Variants in COL15A1 observed in about 807,000 individuals in gnomAD.
COL15A1 encodes the protein collagen type XV alpha 1 chain.
COL15A1 carries 111 observed loss-of-function variants against 165.9 expected under a neutral mutation model. The observed-to-expected ratio is 0.67, with a 90% CI of 0.57 to 0.78. COL15A1 has a LOEUF of 0.78. COL15A1 is among the 30% of genes least tolerant of loss of function. The pLI, the probability that COL15A1 is intolerant of heterozygous loss-of-function variation, is 0.00. For synonymous variants in COL15A1, 659 were observed against 674.8 expected (o/e 0.98, Z 0.36); for missense variants, 1,745 against 1,789.7 (o/e 0.98, Z 0.45).
intron 35 of COL15A1, among the ~76,000 whole-genome samples, chr9:99,057,977 G>A (rs940336873): frequency 6.6e-6 from 1 of 152,110 alleles, no homozygotes; most frequent in African/African-American, 2.4e-5. Context: ...TGTGAAGGAG[G>A]GAGTGAACAG....
chr9:99,050,968 T>A (rs1199938927), intron 30 of COL15A1, among the ~76,000 whole-genome samples: 1 of 152,194 alleles, frequency 6.6e-6, no homozygotes, highest in Non-Finnish European at 1.5e-5. Flanking sequence ...GTCAGGTGAC[T>A]AACGGGCTCC....
intron 34 of COL15A1, 150 bp from the exon 35 acceptor site, chr9:99,056,110 C>T: frequency 2.4e-6 from 2 of 838,492 alleles, no homozygotes; most frequent in Non-Finnish European, 3.9e-6. Context: ...GGAGGCCTTA[C>T]CCCACCTTGA....
rs1484672686 is a variant in COL15A1 at position 98,954,741 on chromosome 9, A to G, written c.100+10491A>G. ...TTTTGTTGCATTGTTCAGACAGGCAATAATAATTTATACTCCCTGCAACAG... is the reference window on the plus strand; with the variant it reads ...TTTTGTTGCATTGTTCAGACAGGCAGTAATAATTTATACTCCCTGCAACAG... On this transcript the variant is annotated intron_variant, in intron 2 of 41. Transcript: ENST00000375001. Among the ~76,000 whole-genome samples, 4 of 152,216 alleles carry G rather than the reference A, an allele frequency of 2.6e-5. No homozygotes were observed. In the East Asian group the frequency reaches 7.7e-4, roughly 29 times the overall value.
At chr9:98,964,160 G>T (rs539162969) in intron 2 of COL15A1, among the ~76,000 whole-genome samples, 1 of 152,326 alleles carries the variant, frequency 6.6e-6, no homozygotes, top group South Asian at 2.1e-4. Flanking sequence ...GCACCATTCT[G>T]GGGGAGGCTG....
chr9:99,016,057 C>T lies in COL15A1; in HGVS notation c.1585C>T (p.Pro529Ser). ...AGCTGGGGGTGAAGAGTCCGGCAGC[C>T]CTCCCCCTGATGGGCCACCGCTGCC... ...ITAGGEESGS[P>S]PPDGPPLPLP... is the part of the protein sequence containing the mutation. Residue 529 changes from proline to serine, a missense_variant, in exon 11 of 42, where the codon CCT becomes TCT. By Grantham distance (74) the Pro-to-Ser change is moderately conservative. Transcript: ENST00000375001. 1 of 1,613,934 alleles carries T rather than the reference C, an allele frequency of 6.2e-7. No homozygotes were observed. The highest frequency in any genetic ancestry group is 8.5e-7 in the Non-Finnish European group (1 of 1,179,878).
At chr9:99,054,300 T>C (rs758179547) in intron 31 of COL15A1, among the ~76,000 whole-genome samples, 7 of 152,226 alleles carry the variant, frequency 4.6e-5, no homozygotes, top group Non-Finnish European at 8.8e-5. Context: ...CGGGATGCGC[T>C]GCTGGAACCT....
chr9:99,059,748 C>A, intron 35 of COL15A1, 141 bp from the exon 36 acceptor site: 1 of 844,898 alleles, frequency 1.2e-6, no homozygotes. Flanking sequence ...GGGCACAGCA[C>A]CCAAGATACA....
At chr9:99,031,444 C>T (rs1372387850) in intron 16 of COL15A1, among the ~76,000 whole-genome samples, 1 of 152,216 alleles carries the variant, frequency 6.6e-6, no homozygotes, top group Non-Finnish European at 1.5e-5. Flanking sequence ...GCAGCCAGTT[C>T]CGTGAGGAAG....
At chr9:98,975,993 G>A (rs1476716890) in intron 2 of COL15A1, among the ~76,000 whole-genome samples, 3 of 152,178 alleles carry the variant, frequency 2.0e-5, no homozygotes, top group Admixed American at 6.5e-5. Context: ...TGAAGCAGAG[G>A]GTGTCTCGAG....
chr9:98,981,945 G>A (rs933658941), intron 2 of COL15A1, among the ~76,000 whole-genome samples: 1 of 151,992 alleles, frequency 6.6e-6, no homozygotes, highest in South Asian at 2.1e-4. Context: ...GTAGATTACA[G>A]GCACGCACTA....
chr9:99,000,516 T>C (rs967006442), intron 6 of COL15A1, among the ~76,000 whole-genome samples: 2 of 152,196 alleles, frequency 1.3e-5, no homozygotes, highest in Admixed American at 1.3e-4. Context: ...TCCTCAATGC[T>C]TTATTTGCAT....
At chr9:99,059,714 A>T (rs1187069444) in intron 35 of COL15A1, among the ~76,000 whole-genome samples, 175 bp from the exon 36 acceptor site, 4 of 152,232 alleles carry the variant, frequency 2.6e-5, no homozygotes, top group Non-Finnish European at 2.9e-5. Context: ...TGAACCAGTC[A>T]ATGTGGCCTA....
intron 34 of COL15A1, among the ~76,000 whole-genome samples, 162 bp downstream of exon 34, chr9:99,055,534 G>T (rs898869197): frequency 6.6e-6 from 1 of 152,202 alleles, no homozygotes; most frequent in African/African-American, 2.4e-5. Context: ...TGATGGGCAG[G>T]TTGGCTGAGG....
chr9:98,964,969 A>C (rs1183920724), intron 2 of COL15A1, among the ~76,000 whole-genome samples: 1 of 152,136 alleles, frequency 6.6e-6, no homozygotes, highest in Non-Finnish European at 1.5e-5. Context: ...AATTCACACA[A>C]GCTCATCTGT....
intron 35 of COL15A1, 117 bp downstream of exon 35, chr9:99,056,521 G>A (rs1009476547): frequency 2.4e-5 from 33 of 1,392,554 alleles, no homozygotes; most frequent in Admixed American, 3.0e-5. Context: ...CCTGGATACC[G>A]CCTTCTTTCT....
intron 2 of COL15A1, among the ~76,000 whole-genome samples, chr9:98,958,564 A>G (rs978082835): frequency 8.5e-5 from 13 of 152,086 alleles, no homozygotes; most frequent in African/African-American, 2.4e-4. Context: ...CATGTGACAT[A>G]TTTTCTAATT....
intron 9 of COL15A1, among the ~76,000 whole-genome samples, chr9:99,005,454 A>G (rs1408945356): frequency 1.3e-5 from 2 of 152,126 alleles, no homozygotes; most frequent in Non-Finnish European, 2.9e-5. Flanking sequence ...CGTGCAGCGC[A>G]CAGACACTGT....
intron 35 of COL15A1, among the ~76,000 whole-genome samples, chr9:99,056,745 G>T (rs1342320822): frequency 6.6e-6 from 1 of 152,086 alleles, no homozygotes; most frequent in East Asian, 1.9e-4. Context: ...GGGCAACCAT[G>T]AATCTACTTC....
intron 5 of COL15A1, among the ~76,000 whole-genome samples, chr9:98,990,112 A>G (rs1287103894): frequency 6.6e-6 from 1 of 152,232 alleles, no homozygotes; most frequent in African/African-American, 2.4e-5. Flanking sequence ...TGCATGCAGC[A>G]GAGCTGTGGA....
Sources: allele counts gnomAD v4.1 joint callset (sites outside exome capture counted in the v4.1 genomes callset), GRCh38; gene constraint gnomAD v4.1.1; transcripts MANE v1.5; gene names NCBI Gene and HGNC (gene_info 2026-07-23, HGNC 2026-07-21).